PROX1: variants seen among roughly 807,000 people sequenced by gnomAD.
The protein encoded by PROX1 is prospero homeobox 1.
Under a neutral mutation model 58.8 loss-of-function variants are expected in PROX1, and 7 were observed. The observed-to-expected ratio is 0.12, with a 90% CI of 0.07 to 0.22. The LOEUF is 0.22. Among genes scored for constraint, PROX1 ranks in the 10% least tolerant of loss-of-function variants. The pLI is 1.00. For synonymous variants in PROX1, 350 were observed against 358.3 expected (o/e 0.98, Z 0.26); for missense variants, 675 against 927.8 (o/e 0.73, Z 3.54).
At chr1:213,994,750 AATATATATAT>A (rs66460564) in intron 1 of PROX1, among the ~76,000 whole-genome samples, 228 of 88,246 alleles carry the variant, frequency 2.6e-3, no homozygotes, top group South Asian at 4.3e-3. Flanking sequence ...CAAGCATGCA[AATATATATAT>A]ATATATATAT....
chr1:214,003,314 C>T (rs1168937782), intron 2 of PROX1, among the ~76,000 whole-genome samples: 1 of 152,222 alleles, frequency 6.6e-6, no homozygotes, highest in East Asian at 1.9e-4. Context: ...GAACCCAGAT[C>T]TGAGAGTGTC....
chr1:213,996,583 G>A lies in PROX1; in HGVS notation c.48G>A (p.Arg16=), dbSNP rs1464794965. 6.2e-7 allele frequency: 1 copy of A among 1,614,158 alleles called. No homozygotes were observed. Among genetic ancestry groups the A allele is most frequent in the Admixed American group, 1.7e-5 (1 of 60,024 alleles). Residue 16 remains arginine (R), a synonymous_variant, in exon 2 of 5, where the codon AGG becomes AGA. Transcript: ENST00000366958. The stretch of plus-strand genomic sequence containing the variant: ...CCCTCTTAAGCCGGCAAACCAAGAG[G>A]AGAAGAGTTGACATTGGAGTGAAAA... ...STALLSRQTK[R]RRVDIGVKRT...
At position 214,027,389 on chromosome 1, in the gene PROX1, C is replaced by A. The variant is rs184331951; in HGVS notation, c.2029-8260C>A. 4.8e-4 allele frequency among the ~76,000 whole-genome samples: 73 copies of A among 152,264 alleles called. 1 individual carries two copies. In the East Asian group the frequency reaches 0.013, roughly 27 times the overall value. On this transcript the variant is annotated intron_variant, in intron 4 of 4. Transcript: ENST00000366958. ...GCATGAATAAAGATTTCTTTCTTCC[C>A]TTCTTTTTTAAAGTCAAGCATCAAC...
chr1:214,035,494 T>C (rs1418179181), intron 4 of PROX1, among the ~76,000 whole-genome samples, 155 bp from the exon 5 acceptor site: 2 of 152,314 alleles, frequency 1.3e-5, no homozygotes, highest in East Asian at 3.9e-4. Flanking sequence ...ATATAATGAC[T>C]TTACATTAAA....
intron 1 of PROX1, among the ~76,000 whole-genome samples, chr1:213,989,392 C>T (rs1399326193): frequency 4.0e-5 from 6 of 151,748 alleles, no homozygotes; most frequent in Non-Finnish European, 8.8e-5. Context: ...GGATCGCGGG[C>T]CGGGTAAGAG....
At position 213,997,885 on chromosome 1, in the gene PROX1, G is replaced by A. The variant is rs1663337826; in HGVS notation, c.1350G>A (p.Gln450=). 3 of 1,612,324 alleles carry A rather than the reference G, an allele frequency of 1.9e-6. No individual in the cohort carries two copies. Among genetic ancestry groups the A allele is most frequent in the African/African-American group, 1.3e-5 (1 of 74,912 alleles). Reference sequence around the variant, plus strand: ...TTGTCCGCAAAAACTCCTCTGACCAGTCTGCCTCCGGCCCTGCCGCTGGCG... The same window carrying A: ...TTGTCCGCAAAAACTCCTCTGACCAATCTGCCTCCGGCCCTGCCGCTGGCG... ...PLVVRKNSSD[Q]SASGPAAGGH... Residue 450 remains glutamine, a synonymous_variant, in exon 2 of 5, where the codon CAG becomes CAA. Coordinates refer to ENST00000366958, the MANE Select transcript of PROX1 (RefSeq NM_001270616.2). This position sits in a 1 kb window ranked among gnomAD's most constrained non-coding sequence, Gnocchi z 7.1.
intron 4 of PROX1, among the ~76,000 whole-genome samples, chr1:214,013,549 A>G (rs1005452156): frequency 6.4e-5 from 9 of 140,908 alleles, no homozygotes; most frequent in African/African-American, 2.4e-4. Flanking sequence ...CAAGAGGACA[A>G]GTCCTTAAAG....
At chr1:214,008,073 C>T (rs369329983) in intron 3 of PROX1, among the ~76,000 whole-genome samples, 70 of 150,424 alleles carry the variant, frequency 4.7e-4, no homozygotes, top group African/African-American at 1.5e-3. Context: ...TTTTTTGAGA[C>T]GGAATTTCAC....
chr1:214,012,175 T>G (rs767795497), intron 4 of PROX1, among the ~76,000 whole-genome samples: 1 of 152,252 alleles, frequency 6.6e-6, no homozygotes, highest in Non-Finnish European at 1.5e-5. Flanking sequence ...GATCATGGTT[T>G]CTGACTTTGA....
upstream of PROX1, chr1:213,983,212 A>G (rs1236550278): frequency 6.6e-6 from 1 of 152,386 alleles, no homozygotes; most frequent in East Asian, 1.9e-4. Context: ...TTCCTGCCCA[A>G]CCCGAAACTT....
Position 214,037,766 on chromosome 1 carries a change from G to C in PROX1, c.*1932G>C, listed in dbSNP as rs1664876809. 1 of 151,850 alleles carries C rather than the reference G, an allele frequency of 6.6e-6. No individual in the cohort carries two copies. Among genetic ancestry groups the C allele is most frequent in the Non-Finnish European group, 1.5e-5 (1 of 67,966 alleles). 9.4% of individuals were successfully genotyped at this position (151,850 alleles called of 1,614,324 possible). ...ATCCAATTTGTTATTTTTCTCACTT[G>C]CTTTAAAAAAAAGCAGTTTGGATAA... On this transcript the variant is annotated 3_prime_UTR_variant, in exon 5 of 5. Coordinates refer to ENST00000366958, the MANE Select transcript of PROX1 (RefSeq NM_001270616.2).
chr1:213,995,526 T>A (rs1663230326), intron 1 of PROX1, among the ~76,000 whole-genome samples: 1 of 152,012 alleles, frequency 6.6e-6, no homozygotes, highest in South Asian at 2.1e-4. Context: ...TGTTAAAGAG[T>A]TTCTTTGGGC....
intron 3 of PROX1, among the ~76,000 whole-genome samples, chr1:214,008,510 A>G (rs1029012519): frequency 6.6e-6 from 1 of 152,204 alleles, no homozygotes; most frequent in Non-Finnish European, 1.5e-5. Flanking sequence ...TCAAAGCCAC[A>G]CTTGGAGGAT....
At chr1:213,989,726 C>T (rs340836) in intron 1 of PROX1, 71,358 of 152,092 alleles carry the variant, frequency 0.47, 17,315 homozygotes, top group East Asian at 0.61. Flanking sequence ...CCGTTACTCC[C>T]CCTGCTGAAG....
chr1:214,011,798 G>C (rs548397518), intron 4 of PROX1, 83 bp downstream of exon 4: 3 of 1,241,426 alleles, frequency 2.4e-6, no homozygotes, highest in East Asian at 5.2e-5. Flanking sequence ...ACCCAAATCT[G>C]TTTTTGTGTT....
chr1:213,992,761 T>C (rs942087038), intron 1 of PROX1, among the ~76,000 whole-genome samples: 1 of 152,158 alleles, frequency 6.6e-6, no homozygotes, highest in Non-Finnish European at 1.5e-5. Flanking sequence ...ATGAAACACT[T>C]CTTTGTCCAG....
chr1:214,017,402 G>A (rs916200459), intron 4 of PROX1, among the ~76,000 whole-genome samples: 3 of 152,146 alleles, frequency 2.0e-5, no homozygotes, highest in Non-Finnish European at 4.4e-5. Flanking sequence ...GGTATCATAT[G>A]TCTGACCTTA....
At chr1:214,004,604 T>A (rs1280246297) in intron 2 of PROX1, among the ~76,000 whole-genome samples, 1 of 152,164 alleles carries the variant, frequency 6.6e-6, no homozygotes, top group Non-Finnish European at 1.5e-5. Flanking sequence ...TAAAAGGATA[T>A]AATAAGATAA....
chr1:214,013,227 G>T (rs562396572), intron 4 of PROX1, among the ~76,000 whole-genome samples: 1 of 151,878 alleles, frequency 6.6e-6, no homozygotes, highest in Non-Finnish European at 1.5e-5. Flanking sequence ...TTTAAAATCT[G>T]TTTTTAAAGT....
Sources: allele counts gnomAD v4.1 joint callset (sites outside exome capture counted in the v4.1 genomes callset), GRCh38; gene constraint gnomAD v4.1.1; non-coding constraint Gnocchi (gnomAD v3.1); transcripts MANE v1.5; gene names NCBI Gene and HGNC (gene_info 2026-07-23, HGNC 2026-07-21).